SPAG16: variants seen among roughly 807,000 people sequenced by gnomAD.
SPAG16 encodes the protein sperm associated antigen 16, also known as sperm-associated antigen 16 protein.
SPAG16 carries 86 observed loss-of-function variants against 80.4 expected under a neutral mutation model. The ratio of observed to expected loss-of-function variants is 1.07; its 90% CI spans 0.90 to 1.28. The LOEUF is 1.28. SPAG16 is among the 50% of genes most tolerant of loss of function. The pLI, the probability that SPAG16 is intolerant of heterozygous loss-of-function variation, is 0.00. For synonymous variants in SPAG16, 294 were observed against 265.9 expected, an observed-to-expected ratio of 1.11 and a Z score of -1.03; for missense variants, 870 against 765.3, an observed-to-expected ratio of 1.14 and a Z score of -1.61.
At chr2:213,962,055 A>G (rs1030222452) in intron 12 of SPAG16, among the ~76,000 whole-genome samples, 1 of 152,108 alleles carries the variant, frequency 6.6e-6, no homozygotes, top group African/African-American at 2.4e-5. Flanking sequence ...ATTGTTATGG[A>G]CTGAACTGTA....
chr2:213,522,206 A>T (rs1575826563), intron 10 of SPAG16, among the ~76,000 whole-genome samples: 1 of 152,212 alleles, frequency 6.6e-6, no homozygotes, highest in African/African-American at 2.4e-5. Context: ...GGGCCTGGCC[A>T]CTATAAGGAA....
At chr2:213,908,930 C>A (rs920546790) in intron 11 of SPAG16, among the ~76,000 whole-genome samples, 1 of 151,826 alleles carries the variant, frequency 6.6e-6, no homozygotes, top group Admixed American at 6.6e-5. Flanking sequence ...CTCCTCCCCC[C>A]CACCACACAA....
At chr2:213,328,569 C>G (rs1260117651) in intron 5 of SPAG16, among the ~76,000 whole-genome samples, 1 of 152,178 alleles carries the variant, frequency 6.6e-6, no homozygotes, top group Non-Finnish European at 1.5e-5. Context: ...GCCAAACAGT[C>G]TGCCATCTCA....
chr2:213,420,544 A>G (rs1329001762), intron 9 of SPAG16, among the ~76,000 whole-genome samples: 1 of 152,256 alleles, frequency 6.6e-6, no homozygotes, highest in East Asian at 1.9e-4. Flanking sequence ...TAGAATTTGC[A>G]CAGCAGTGAA....
chr2:213,361,787 TGCCA>T (rs1303730955), intron 7 of SPAG16, among the ~76,000 whole-genome samples: 2 of 81,162 alleles, frequency 2.5e-5, no homozygotes, highest in African/African-American at 5.1e-5. Context: ...AGACTGATAA[TGCCA>T]CACACACACA....
At chr2:213,492,474 C>G (rs760364306) in intron 10 of SPAG16, among the ~76,000 whole-genome samples, 4 of 151,784 alleles carry the variant, frequency 2.6e-5, no homozygotes, top group East Asian at 1.9e-4. Context: ...GGCATGAACC[C>G]GGGAGGTGGA....
chr2:213,390,414 A>G (rs2067679271), intron 9 of SPAG16, among the ~76,000 whole-genome samples: 1 of 152,236 alleles, frequency 6.6e-6, no homozygotes, highest in South Asian at 2.1e-4. Context: ...TTTTTATTAC[A>G]ATAAAAACAT....
intron 15 of SPAG16, among the ~76,000 whole-genome samples, chr2:214,265,251 A>G (rs1691473392): frequency 6.6e-6 from 1 of 152,114 alleles, no homozygotes. Context: ...TTGGCTCCAC[A>G]TTCTCACCAG....
At chr2:214,384,670 A>C (rs1700648826) in intron 15 of SPAG16, among the ~76,000 whole-genome samples, 1 of 150,720 alleles carries the variant, frequency 6.6e-6, no homozygotes, top group Admixed American at 6.6e-5. Context: ...CCAGTGGCAG[A>C]ACATGTTTTC....
intron 10 of SPAG16, among the ~76,000 whole-genome samples, chr2:213,595,837 GT>G (rs768044209): frequency 5.9e-5 from 9 of 151,930 alleles, no homozygotes; most frequent in African/African-American, 4.8e-5. Flanking sequence ...TTAGATAGCA[GT>G]TTTTTTATTA....
chr2:213,492,565 A>AT (rs1176149402), intron 10 of SPAG16, among the ~76,000 whole-genome samples: 4 of 151,872 alleles, frequency 2.6e-5, no homozygotes, highest in Non-Finnish European at 5.9e-5. Context: ...ACAAAAAAAA[A>AT]CAACCAAAAG....
intron 6 of SPAG16, 36 bp from the exon 7 acceptor site, chr2:213,350,492 A>T (rs376360017): frequency 8.9e-7 from 1 of 1,128,004 alleles, no homozygotes; most frequent in Non-Finnish European, 1.2e-6. Context: ...TTAACTCAAT[A>T]ACCCCTTAAG....
intron 10 of SPAG16, among the ~76,000 whole-genome samples, chr2:213,566,604 A>T (rs2059775440): frequency 6.6e-6 from 1 of 152,196 alleles, no homozygotes; most frequent in Non-Finnish European, 1.5e-5. Context: ...TGGAATAATG[A>T]CCTAAGCTCA....
intron 1 of SPAG16, among the ~76,000 whole-genome samples, chr2:213,288,602 C>T (rs2062146927): frequency 6.6e-6 from 1 of 152,018 alleles, no homozygotes; most frequent in Non-Finnish European, 1.5e-5. Context: ...TGAGCCACCG[C>T]ACCTGTCCTT....
intron 15 of SPAG16, among the ~76,000 whole-genome samples, chr2:214,237,220 C>T (rs1243536086): frequency 6.6e-6 from 1 of 151,926 alleles, no homozygotes; most frequent in East Asian, 1.9e-4. Context: ...GGTAACACTT[C>T]TAAAGATAAA....
At chr2:214,326,959 A>AG (rs1696541371) in intron 15 of SPAG16, among the ~76,000 whole-genome samples, 1 of 151,072 alleles carries the variant, frequency 6.6e-6, no homozygotes, top group African/African-American at 2.4e-5. Context: ...AAAAAAAAAA[A>AG]AAAAAAAAAA....
At chr2:214,168,240 C>A (rs1214351106) in intron 15 of SPAG16, among the ~76,000 whole-genome samples, 1 of 152,042 alleles carries the variant, frequency 6.6e-6, no homozygotes, top group African/African-American at 2.4e-5. Context: ...GATCTGCCTG[C>A]CTCAGCCTCC....
At chr2:213,942,188 C>T (rs1234957536) in intron 12 of SPAG16, among the ~76,000 whole-genome samples, 1 of 152,144 alleles carries the variant, frequency 6.6e-6, no homozygotes, top group Non-Finnish European at 1.5e-5. Context: ...AAACCTAATT[C>T]TCTGCCTGCT....
intron 10 of SPAG16, among the ~76,000 whole-genome samples, chr2:213,528,788 T>C (rs981916822): frequency 6.6e-6 from 1 of 152,096 alleles, no homozygotes; most frequent in Non-Finnish European, 1.5e-5. Context: ...GACAAAAAAA[T>C]TGCAAAACAA....
Sources: gnomAD v4.1 joint callset for allele counts (sites outside exome capture counted in the v4.1 genomes callset) on GRCh38, gnomAD v4.1.1 for gene constraint, MANE v1.5 for transcripts, NCBI Gene and HGNC (gene_info 2026-07-23, HGNC 2026-07-21) for gene names.